The following CNTN5 variants were observed in gnomAD, a reference collection of about 807,000 sequenced individuals.
The protein encoded by CNTN5 is contactin-5.
A neutral mutation model predicts 129.1 loss-of-function variants in CNTN5; 77 were observed. The observed-to-expected ratio is 0.60, with a 90% confidence interval of 0.50 to 0.72. The LOEUF (loss-of-function observed/expected upper bound fraction) is 0.72, where lower values mean the gene tolerates loss of function less well. Among genes scored for constraint, CNTN5 ranks in the 30% least tolerant of loss-of-function variants. CNTN5 has a pLI of 0.00. For missense variants in CNTN5, 1,478 were observed against 1,328.8 expected, an observed-to-expected ratio of 1.11 and a Z score of -1.75; for synonymous variants, 509 against 465.6, an observed-to-expected ratio of 1.09 and a Z score of -1.20.
chr11:100,177,607 A>C (rs576824800), intron 13 of CNTN5, among the ~76,000 whole-genome samples: 1 of 152,268 alleles, frequency 6.6e-6, no homozygotes, highest in South Asian at 2.1e-4. Context: ...CTGTGCTTAG[A>C]TACCACTTTC....
At chr11:99,738,123 A>T (rs1943770141) in intron 3 of CNTN5, among the ~76,000 whole-genome samples, 1 of 152,146 alleles carries the variant, frequency 6.6e-6, no homozygotes, top group African/African-American at 2.4e-5. Context: ...ATGCCTCCCG[A>T]CTTCAAATCA....
chr11:99,356,485 C>CT (rs1220378112), intron 2 of CNTN5, among the ~76,000 whole-genome samples: 1 of 152,182 alleles, frequency 6.6e-6, no homozygotes, highest in African/African-American at 2.4e-5. Flanking sequence ...TATTTACATA[C>CT]TTTTCAGCAG....
chr11:100,346,484 G>A (rs1006625912), intron 23 of CNTN5, among the ~76,000 whole-genome samples: 4 of 151,972 alleles, frequency 2.6e-5, no homozygotes, highest in Non-Finnish European at 5.9e-5. Context: ...CAATGTTCAG[G>A]GGCTATGCTT....
intron 6 of CNTN5, among the ~76,000 whole-genome samples, chr11:99,900,489 A>T (rs569379864): frequency 6.6e-6 from 1 of 151,960 alleles, no homozygotes. Flanking sequence ...TCCTCTTACC[A>T]TTGCCTTTGC....
intron 3 of CNTN5, among the ~76,000 whole-genome samples, chr11:99,777,710 C>T (rs768867256): frequency 1.3e-5 from 2 of 151,700 alleles, no homozygotes; most frequent in Non-Finnish European, 2.9e-5. Flanking sequence ...CTCCGCAAAC[C>T]TCAGGTGTAA....
intron 15 of CNTN5, among the ~76,000 whole-genome samples, chr11:100,221,454 T>C (rs1311072436): frequency 6.6e-6 from 1 of 152,196 alleles, no homozygotes; most frequent in Non-Finnish European, 1.5e-5. Context: ...GCAGGATACT[T>C]AGTCAAAATG....
chr11:99,867,160 T>C (rs1168934118), intron 6 of CNTN5, among the ~76,000 whole-genome samples: 1 of 152,226 alleles, frequency 6.6e-6, no homozygotes, highest in Non-Finnish European at 1.5e-5. Flanking sequence ...GCAATAAACA[T>C]GTTGCATCTT....
Position 100,050,020 on chromosome 11 carries a change from C to G in CNTN5, c.981-11192C>G, listed in dbSNP as rs1228463052. Among the ~76,000 whole-genome samples, 273 of 152,052 alleles carry G rather than the reference C, an allele frequency of 1.8e-3. No individual in the cohort carries two copies. In the Middle Eastern group the frequency reaches 0.02, roughly 11 times the overall value. On this transcript the variant is annotated intron_variant, in intron 9 of 24. Coordinates refer to ENST00000524871, the MANE Select transcript of CNTN5 (RefSeq NM_014361.4). Reference sequence around the variant, plus strand: ...GGAGAAACAGGAACACTTTTACACTCTTAGTGGGACTGTAAACTAGTTCAA... The same window carrying G: ...GGAGAAACAGGAACACTTTTACACTGTTAGTGGGACTGTAAACTAGTTCAA...
intron 13 of CNTN5, among the ~76,000 whole-genome samples, chr11:100,154,969 TTGCCTGTTCACTC>T (rs913480905): frequency 6.6e-6 from 1 of 152,230 alleles, no homozygotes; most frequent in Non-Finnish European, 1.5e-5. Context: ...ATTCTGTAGG[TTGCCTGTTCACTC>T]TGATGATAGT....
intron 2 of CNTN5, among the ~76,000 whole-genome samples, chr11:99,395,774 T>C (rs1941490137): frequency 6.6e-6 from 1 of 152,004 alleles, no homozygotes; most frequent in East Asian, 1.9e-4. Context: ...TAGTCAGTTA[T>C]CCCAGCACTA....
At chr11:99,632,271 T>A (rs1248330104) in intron 3 of CNTN5, among the ~76,000 whole-genome samples, 1 of 152,168 alleles carries the variant, frequency 6.6e-6, no homozygotes, top group Non-Finnish European at 1.5e-5. Flanking sequence ...AATTATATAC[T>A]GTAAATGTTC....
chr11:99,138,323 G>T (rs1859336858), intron 1 of CNTN5, among the ~76,000 whole-genome samples: 2 of 152,038 alleles, frequency 1.3e-5, no homozygotes, highest in South Asian at 4.1e-4. Flanking sequence ...CTATATGGAT[G>T]AAATGTTAAG....
chr11:99,675,059 T>C (rs1953215542), intron 3 of CNTN5, among the ~76,000 whole-genome samples: 1 of 151,624 alleles, frequency 6.6e-6, no homozygotes, highest in Admixed American at 6.6e-5. Flanking sequence ...AGGCTGACAC[T>C]AGGGATGCCT....
chr11:99,980,898 A>G (rs1481427503), intron 8 of CNTN5, among the ~76,000 whole-genome samples: 1 of 151,866 alleles, frequency 6.6e-6, no homozygotes, highest in African/African-American at 2.4e-5. Context: ...ATCAATGTCA[A>G]AGAGCTAAAA....
intron 18 of CNTN5, among the ~76,000 whole-genome samples, chr11:100,278,397 T>G (rs1318053726): frequency 6.6e-6 from 1 of 152,096 alleles, no homozygotes; most frequent in Non-Finnish European, 1.5e-5. Context: ...TAGATTGCTT[T>G]GGATAGTATG....
At chr11:99,278,266 G>A (rs1379669899) in intron 1 of CNTN5, among the ~76,000 whole-genome samples, 1 of 151,566 alleles carries the variant, frequency 6.6e-6, no homozygotes, top group Non-Finnish European at 1.5e-5. Flanking sequence ...TTCACTTGCT[G>A]TATTTTATTC....
chr11:99,976,381 AG>A (rs1431722872), intron 8 of CNTN5, among the ~76,000 whole-genome samples: 1 of 152,204 alleles, frequency 6.6e-6, no homozygotes, highest in African/African-American at 2.4e-5. Flanking sequence ...GCAGCATCCC[AG>A]TGGGGACTCT....
At position 100,299,235 on chromosome 11, in the gene CNTN5, G is replaced by A; in HGVS notation, c.2459G>A (p.Gly820Asp). 6.2e-7 allele frequency: 1 copy of A among 1,610,166 alleles called. No individual in the cohort carries two copies. Among genetic ancestry groups the A allele is most frequent in the Non-Finnish European group, 8.5e-7 (1 of 1,177,512 alleles). ...GCTTTCAGACCCAATGGAACACGTG[G>A]CTGGAAGGAAAAAATGGTGACATCC... ...IVAFRPNGTR[G>D]WKEKMVTSSE... Residue 820 changes from glycine (G) to aspartate (D), a missense_variant, in exon 20 of 25, where the codon GGC (glycine) becomes GAC (aspartate). By Grantham distance (94) the Gly-to-Asp change is moderately conservative (BLOSUM62 -1). Transcript: ENST00000524871.
chr11:99,600,519 A>G (rs923106681), intron 3 of CNTN5, among the ~76,000 whole-genome samples: 4 of 152,188 alleles, frequency 2.6e-5, no homozygotes, highest in Non-Finnish European at 5.9e-5. Flanking sequence ...ATCTAGGCTA[A>G]GAATACGGTC....
Sources: allele counts gnomAD v4.1 joint callset (sites outside exome capture counted in the v4.1 genomes callset), GRCh38; gene constraint gnomAD v4.1.1; transcripts MANE v1.5; gene names NCBI Gene and HGNC (gene_info 2026-07-23, HGNC 2026-07-21).